KLHL20: variants seen among roughly 807,000 people sequenced by gnomAD.
The protein encoded by KLHL20 is kelch-like protein 20.
A neutral mutation model predicts 69.5 loss-of-function variants in KLHL20; 29 were observed. That is an observed-to-expected ratio of 0.42 (90% confidence interval 0.31 to 0.57). KLHL20 has a LOEUF of 0.57. Ranked by LOEUF, KLHL20 falls within the 20% of genes least tolerant of loss-of-function variation. The pLI is 0.18. For synonymous variants in KLHL20, 253 were observed against 265.2 expected (o/e 0.95, Z 0.45); for missense variants, 419 against 776.0 (o/e 0.54, Z 5.47).
chr1:173,743,542 A>ATTT (rs879293829), intron 3 of KLHL20, among the ~76,000 whole-genome samples: 2 of 151,764 alleles, frequency 1.3e-5, no homozygotes, highest in South Asian at 2.1e-4. Flanking sequence ...TGATTTTAAA[A>ATTT]AAAAAAAAAC....
At chr1:173,731,893 T>G in intron 2 of KLHL20, among the ~76,000 whole-genome samples, 1 of 151,882 alleles carries the variant, frequency 6.6e-6, no homozygotes, top group East Asian at 1.9e-4. Flanking sequence ...ATTAAAAATA[T>G]AATAAAAATA....
chr1:173,757,652 G>A (rs1464632047), intron 7 of KLHL20, among the ~76,000 whole-genome samples: 5 of 144,268 alleles, frequency 3.5e-5, no homozygotes, highest in Admixed American at 7.0e-5. Flanking sequence ...GCAAAAGAGC[G>A]AGACTCCTTC....
intron 8 of KLHL20, 50 bp downstream of exon 8, chr1:173,766,339 G>C (rs376747210): frequency 6.7e-7 from 1 of 1,492,952 alleles, no homozygotes; most frequent in Non-Finnish European, 8.9e-7. Flanking sequence ...AAAGAACATA[G>C]AGCTCTTTAA....
At chr1:173,736,011 A>G (rs1025387259) in intron 3 of KLHL20, among the ~76,000 whole-genome samples, 6 of 145,512 alleles carry the variant, frequency 4.1e-5, no homozygotes, top group African/African-American at 2.6e-5. Flanking sequence ...ACGGGGCTCA[A>G]TCTCAGCTCA....
chr1:173,774,467 C>T, intron 9 of KLHL20, 29 bp downstream of exon 9: 1 of 1,612,626 alleles, frequency 6.2e-7, no homozygotes, highest in Non-Finnish European at 8.5e-7. Context: ...CAATCAGGTT[C>T]CCCAAAAGCA....
chr1:173,733,634 T>C (rs915636531), intron 2 of KLHL20, 79 bp from the exon 3 acceptor site: 1 of 1,212,884 alleles, frequency 8.2e-7, no homozygotes, highest in Middle Eastern at 2.0e-4. Context: ...CCTTATCGCT[T>C]GAATTACAAA....
chr1:173,743,846 T>C (rs1216119361), intron 3 of KLHL20, among the ~76,000 whole-genome samples: 1 of 152,162 alleles, frequency 6.6e-6, no homozygotes, highest in Non-Finnish European at 1.5e-5. Context: ...TAGATGGTCC[T>C]TGTTTTTCAT....
intron 2 of KLHL20, among the ~76,000 whole-genome samples, chr1:173,719,074 C>T (rs1315614133): frequency 5.0e-5 from 6 of 120,512 alleles, no homozygotes; most frequent in South Asian, 4.8e-4. Flanking sequence ...CACTGCAATC[C>T]GGCCTGGGCT....
intron 2 of KLHL20, among the ~76,000 whole-genome samples, chr1:173,725,301 A>G (rs1318338546): frequency 6.6e-6 from 1 of 152,248 alleles, no homozygotes; most frequent in Non-Finnish European, 1.5e-5. Flanking sequence ...TAAAGCATCC[A>G]GAGGCCTGCT....
chr1:173,750,633 C>G (rs911499567), intron 3 of KLHL20, among the ~76,000 whole-genome samples: 4 of 152,050 alleles, frequency 2.6e-5, no homozygotes, highest in African/African-American at 7.2e-5. Flanking sequence ...AGGCTAGTCT[C>G]AAACTCCTGA....
intron 10 of KLHL20, among the ~76,000 whole-genome samples, chr1:173,776,450 C>A (rs1001588290): frequency 1.3e-5 from 2 of 151,896 alleles, no homozygotes; most frequent in Non-Finnish European, 2.9e-5. Flanking sequence ...TCTATTTTTT[C>A]TTTGGTTGCC....
At chr1:173,732,114 T>C (rs1672310257) in intron 2 of KLHL20, among the ~76,000 whole-genome samples, 1 of 151,938 alleles carries the variant, frequency 6.6e-6, no homozygotes, top group South Asian at 2.1e-4. Context: ...GGAGAATCAC[T>C]TGAACCCAGG....
intron 11 of KLHL20, among the ~76,000 whole-genome samples, chr1:173,784,794 C>T (rs554068630): frequency 3.9e-5 from 6 of 152,198 alleles, no homozygotes; most frequent in African/African-American, 1.4e-4. Context: ...ATAGGTGGGA[C>T]AATAATATAG....
At chr1:173,776,039 A>G (rs1648443348) in intron 10 of KLHL20, among the ~76,000 whole-genome samples, 197 bp downstream of exon 10, 1 of 152,116 alleles carries the variant, frequency 6.6e-6, no homozygotes. Context: ...GTACTAATTT[A>G]TATTCCCACC....
At chr1:173,778,495 A>ATTTTTGT (rs559690044) in intron 10 of KLHL20, among the ~76,000 whole-genome samples, 249 of 146,718 alleles carry the variant, frequency 1.7e-3, no homozygotes, top group Admixed American at 2.8e-3. Flanking sequence ...TGCCCAGCTA[A>ATTTTTGT]TTTTTGTTTT....
intron 8 of KLHL20, among the ~76,000 whole-genome samples, chr1:173,772,034 G>A (rs1404844897): frequency 6.6e-6 from 1 of 152,180 alleles, no homozygotes; most frequent in African/African-American, 2.4e-5. Context: ...GTTAAATAAA[G>A]TATCTTGTAG....
chr1:173,747,771 G>T (rs1307723637), intron 3 of KLHL20, among the ~76,000 whole-genome samples: 1 of 150,726 alleles, frequency 6.6e-6, no homozygotes, highest in African/African-American at 2.4e-5. Context: ...ATTTCTTTTG[G>T]TATATAGGAA....
At chr1:173,745,175 T>TTC (rs1571886170) in intron 3 of KLHL20, among the ~76,000 whole-genome samples, 1 of 137,952 alleles carries the variant, frequency 7.2e-6, no homozygotes, top group Non-Finnish European at 1.5e-5. Context: ...TTTTTCTTTT[T>TTC]TTTTTTTTTT....
intron 4 of KLHL20, among the ~76,000 whole-genome samples, chr1:173,752,486 A>C (rs1673358048): frequency 6.6e-6 from 1 of 152,236 alleles, no homozygotes; most frequent in South Asian, 2.1e-4. Flanking sequence ...TAAAATGAAC[A>C]AAAGAAAGCA....
Sources: allele counts gnomAD v4.1 joint callset (sites outside exome capture counted in the v4.1 genomes callset), GRCh38; gene constraint gnomAD v4.1.1; transcripts MANE v1.5; gene names NCBI Gene and HGNC (gene_info 2026-07-23, HGNC 2026-07-21).